Variants in DNAH9 observed in about 807,000 individuals in gnomAD.
DNAH9 encodes DNAH9 variant protein.
DNAH9 carries 345 observed loss-of-function variants against 471.6 expected under a neutral mutation model. That is an observed-to-expected ratio of 0.73 (90% confidence interval 0.67 to 0.80). The LOEUF is 0.80. Among genes scored for constraint, DNAH9 ranks in the 30% least tolerant of loss-of-function variants. The probability of loss-of-function intolerance (pLI) is 0.00; values close to 1 mark genes in which losing one functional copy is unlikely to be tolerated. For synonymous variants in DNAH9, 2,093 were observed against 2,123.6 expected (o/e 0.99, Z 0.40); for missense variants, 5,407 against 5,609.2 (o/e 0.96, Z 1.15).
At chr17:11,876,708 T>TC (rs1172968773) in intron 53 of DNAH9, among the ~76,000 whole-genome samples, 10 of 150,504 alleles carry the variant, frequency 6.6e-5, no homozygotes, top group Admixed American at 2.6e-4. Context: ...CAGGTTTTGT[T>TC]TTTTTTGTTT....
intron 61 of DNAH9, among the ~76,000 whole-genome samples, chr17:11,908,664 C>A (rs1419015723): frequency 1.3e-5 from 2 of 152,212 alleles, no homozygotes; most frequent in African/African-American, 2.4e-5. Flanking sequence ...CATTCCACAT[C>A]AAACGAAGTA....
intron 35 of DNAH9, among the ~76,000 whole-genome samples, chr17:11,762,788 T>TTTTTTTTTTTGTTTTTTTTG (rs1597610213): frequency 8.3e-6 from 1 of 121,184 alleles, no homozygotes; most frequent in Non-Finnish European, 1.7e-5. Flanking sequence ...TTTTTTTTTT[T>TTTTTTTTTTTGTTTTTTTTG]TTTTTTTTTG....
chr17:11,783,440 C>T (rs544714368), intron 39 of DNAH9, among the ~76,000 whole-genome samples: 28 of 152,256 alleles, frequency 1.8e-4, no homozygotes, highest in Admixed American at 3.3e-4. Flanking sequence ...CCTGCTGGCT[C>T]GTCTTCCTAT....
At chr17:11,810,211 T>G in intron 44 of DNAH9, 35 bp from the exon 45 acceptor site, 1 of 1,587,302 alleles carries the variant, frequency 6.3e-7, no homozygotes, top group Non-Finnish European at 8.6e-7. Flanking sequence ...GGAGGCCTTC[T>G]TTTCAGAGAT....
chr17:11,645,001 C>G (rs2150691820), intron 11 of DNAH9, among the ~76,000 whole-genome samples: 1 of 152,286 alleles, frequency 6.6e-6, no homozygotes, highest in East Asian at 1.9e-4. Context: ...AAAATTGCAA[C>G]AGCTGCTTAC....
At chr17:11,911,485 A>C (rs1973792790) in intron 61 of DNAH9, among the ~76,000 whole-genome samples, 1 of 152,004 alleles carries the variant, frequency 6.6e-6, no homozygotes, top group African/African-American at 2.4e-5. Context: ...TGTTCTTTTC[A>C]TGATTGTGTT....
In DNAH9 at chr17:11,617,550, A is replaced by G. The variant is rs777169126; in HGVS notation, c.1044A>G (p.Thr348=). ...LLHVVCLIWA[T]CKSYRSPGRL... is the part of the protein sequence containing the mutation. ...ACGTGGTCTGTCTGATTTGGGCCAC[A>G]TGCAAGTCCTACCGCTCCCCGGGAA... The change falls in exon 5 of 69, where the codon ACA becomes ACG. Residue 348 remains threonine, a synonymous_variant. Coordinates refer to ENST00000262442, the MANE Select transcript of DNAH9 (RefSeq NM_001372.4). 20 of 1,614,036 alleles carry G rather than the reference A, an allele frequency of 1.2e-5. No individual in the cohort carries two copies. Among genetic ancestry groups the G allele is most frequent in the East Asian group, 2.2e-5 (1 of 44,862 alleles).
In DNAH9 at chr17:11,874,994, A is replaced by G; in HGVS notation, c.10288A>G (p.Met3430Val). 6.2e-7 allele frequency: 1 copy of G among 1,614,026 alleles called. No individual in the cohort carries two copies. Among genetic ancestry groups the G allele is most frequent in the Non-Finnish European group, 8.5e-7 (1 of 1,179,998 alleles). Residue 3430 changes from methionine to valine, a missense_variant, in exon 53 of 69, where the codon ATG becomes GTG. Met to Val is a conservative substitution (Grantham distance 21). Transcript: ENST00000262442. ...TPALDPLRML[M>V]DDADVAAWQN... is the part of the protein sequence containing the mutation. ...AGCCCTGGATCCCCTGAGGATGCTG[A>G]TGGATGATGCTGACGTGGCTGCCTG...
intron 50 of DNAH9, among the ~76,000 whole-genome samples, chr17:11,854,749 CT>C (rs1007557180): frequency 1.2e-4 from 18 of 152,144 alleles, no homozygotes; most frequent in African/African-American, 4.3e-4. Context: ...CCACCTTACC[CT>C]TTTTACCTGT....
rs959753828 is a variant in DNAH9 at position 11,751,117 on chromosome 17, A to C, written c.6611-1716A>C. Reference sequence around the variant, plus strand: ...GACACATACTTGAAAAACTAAAAGAAATAAATCAACCCCTAGCAAAATATA... The same window carrying C: ...GACACATACTTGAAAAACTAAAAGACATAAATCAACCCCTAGCAAAATATA... On this transcript the variant is annotated intron_variant, in intron 32 of 68. Transcript: ENST00000262442. 3.9e-5 allele frequency among the ~76,000 whole-genome samples: 6 copies of C among 152,010 alleles called. No individual in the cohort carries two copies. In the East Asian group the frequency reaches 1.2e-3, roughly 29 times the overall value.
At chr17:11,734,110 T>C (rs1386866290) in intron 28 of DNAH9, among the ~76,000 whole-genome samples, 2 of 152,204 alleles carry the variant, frequency 1.3e-5, no homozygotes, top group Admixed American at 1.3e-4. Context: ...GCATGGCTGG[T>C]GTCATGTAGC....
intron 41 of DNAH9, among the ~76,000 whole-genome samples, chr17:11,785,203 A>G (rs992480734): frequency 6.6e-6 from 1 of 152,036 alleles, no homozygotes; most frequent in Non-Finnish European, 1.5e-5. Context: ...GTCTGGTCAG[A>G]TGTAGTATCC....
intron 14 of DNAH9, among the ~76,000 whole-genome samples, chr17:11,662,596 TG>T (rs2073788778): frequency 6.6e-6 from 1 of 152,030 alleles, no homozygotes; most frequent in Admixed American, 6.5e-5. Flanking sequence ...CTTGTTTGTA[TG>T]TCTAGTAATT....
In DNAH9 at chr17:11,822,978, T is replaced by G; in HGVS notation, c.9190T>G (p.Cys3064Gly). Residue 3064 changes from cysteine to glycine, a missense_variant, in exon 48 of 69, where the codon TGC becomes GGC. Transcript: ENST00000262442. ...GCACAGGCACAGAAAAGAGCTCAAG[T>G]GCAAGACAGAGCGGTTGGAGAACGG... ...LLHRHRKELKCKTERLENGLL... is the reference protein window; with the variant it reads ...LLHRHRKELKGKTERLENGLL... The G allele has an allele frequency of 6.2e-7, 1 of 1,614,166 alleles. No individual in the cohort carries two copies. Among genetic ancestry groups the G allele is most frequent in the Non-Finnish European group, 8.5e-7 (1 of 1,180,026 alleles).
At chr17:11,714,016 G>A (rs1206458517) in intron 26 of DNAH9, among the ~76,000 whole-genome samples, 6 of 152,222 alleles carry the variant, frequency 3.9e-5, no homozygotes, top group African/African-American at 1.4e-4. Context: ...AGCACTGGAT[G>A]ATGAAGAATC....
intron 28 of DNAH9, among the ~76,000 whole-genome samples, chr17:11,737,497 G>A (rs1242206702): frequency 6.6e-6 from 1 of 152,162 alleles, no homozygotes; most frequent in African/African-American, 2.4e-5. Context: ...CTGAGAGGCT[G>A]GAAATTCCCA....
At chr17:11,883,254 TC>T (rs1439631405) in intron 55 of DNAH9, 1 of 1,037,702 alleles carries the variant, frequency 9.6e-7, no homozygotes, top group Admixed American at 4.9e-5. Context: ...ACCCTAACCC[TC>T]TAGTTACACA....
rs1006237225 is a variant in DNAH9 at position 11,610,415 on chromosome 17, T to A, written c.634T>A (p.Ser212Thr). 10 of 1,613,442 alleles carry A rather than the reference T, an allele frequency of 6.2e-6. No homozygotes were observed. In the East Asian group the frequency reaches 8.9e-5, roughly 14 times the overall value. Residue 212 changes from serine to threonine, a missense_variant, in exon 3 of 69, where the codon TCA (serine) becomes ACA (threonine). Coordinates refer to ENST00000262442, the MANE Select transcript of DNAH9 (RefSeq NM_001372.4). Reference protein sequence around the residue: ...SETVLDSIDKSVIYAIESAVI... With the variant: ...SETVLDSIDKTVIYAIESAVI... ...TCACAGCTTGGATTCTATAGATAAG[T>A]CAGTCATCTATGCCATTGAGTCTGC...
At chr17:11,679,673 A>G in intron 17 of DNAH9, 84 bp from the exon 18 acceptor site, 1 of 948,284 alleles carries the variant, frequency 1.1e-6, no homozygotes, top group East Asian at 2.4e-5. Context: ...ATAATGATAG[A>G]TATTTTTGTT....
Sources: allele counts gnomAD v4.1 joint callset (sites outside exome capture counted in the v4.1 genomes callset), GRCh38; gene constraint gnomAD v4.1.1; transcripts MANE v1.5; gene names NCBI Gene and HGNC (gene_info 2026-07-23, HGNC 2026-07-21).